Variants in DNAJC5B observed in about 807,000 individuals in gnomAD.
DNAJC5B encodes dnaJ homolog subfamily C member 5B.
Under a neutral mutation model 24.7 loss-of-function variants are expected in DNAJC5B, and 23 were observed. The ratio of observed to expected loss-of-function variants is 0.93; its 90% CI spans 0.67 to 1.32. DNAJC5B has a LOEUF of 1.32. Among genes scored for constraint, DNAJC5B ranks in the 40% most tolerant of loss-of-function variants. DNAJC5B has a pLI of 0.00. For missense variants in DNAJC5B, 238 were observed against 240.8 expected (o/e 0.99, Z 0.08); for synonymous variants, 101 against 90.1 (o/e 1.12, Z -0.68).
intron 2 of DNAJC5B, among the ~76,000 whole-genome samples, chr8:66,049,628 G>A (rs1003086738): frequency 3.3e-5 from 5 of 152,176 alleles, no homozygotes; most frequent in Non-Finnish European, 7.3e-5. Context: ...CCCTAAAGAT[G>A]CATTTCTCGG....
chr8:66,048,050 T>G (rs534759240), intron 2 of DNAJC5B, among the ~76,000 whole-genome samples: 2 of 152,276 alleles, frequency 1.3e-5, no homozygotes, highest in Non-Finnish European at 2.9e-5. Context: ...GTCCACACCA[T>G]GCCCATTTTA....
intron 3 of DNAJC5B, chr8:66,058,073 T>A (rs1464748601): frequency 6.6e-6 from 1 of 152,212 alleles, no homozygotes; most frequent in Non-Finnish European, 1.5e-5. Context: ...TCGATGGTGG[T>A]GTGTTCTCGC....
intron 5 of DNAJC5B, among the ~76,000 whole-genome samples, chr8:66,081,464 AT>A (rs1230862809): frequency 6.6e-6 from 1 of 152,172 alleles, no homozygotes; most frequent in Non-Finnish European, 1.5e-5. Context: ...ACAGTGGCCC[AT>A]TTTTGTCAGA....
chr8:66,080,836 A>C (rs983823199), intron 5 of DNAJC5B, among the ~76,000 whole-genome samples: 7 of 152,200 alleles, frequency 4.6e-5, no homozygotes, highest in African/African-American at 1.7e-4. Context: ...GAGAGTGAGC[A>C]CTGGATTCAG....
At position 66,043,321 on chromosome 8, in the gene DNAJC5B, G is replaced by A. The variant is rs187329751; in HGVS notation, c.-141-167G>A. 1.8e-3 allele frequency among the ~76,000 whole-genome samples: 271 copies of A among 152,276 alleles called. No individual in the cohort carries two copies. The Middle Eastern group carries it at 0.02, about 11-fold the overall frequency. On this transcript the variant is annotated intron_variant, in intron 1 of 5. Coordinates refer to ENST00000276570, the MANE Select transcript of DNAJC5B (RefSeq NM_033105.6). Reference sequence around the variant, plus strand: ...GCTTATTTCCTTAATGGAGAGTCCCGGTGGAGACGCTGGAGGCAGTTCCTC... The same window carrying A: ...GCTTATTTCCTTAATGGAGAGTCCCAGTGGAGACGCTGGAGGCAGTTCCTC...
At chr8:66,093,130 T>C (rs1303837395) in intron 5 of DNAJC5B, among the ~76,000 whole-genome samples, 1 of 152,310 alleles carries the variant, frequency 6.6e-6, no homozygotes, top group Admixed American at 6.5e-5. Flanking sequence ...ATAATTTACT[T>C]ATCCATTCTA....
chr8:66,051,564 C>A lies in DNAJC5B; in HGVS notation c.17C>A (p.Pro6His), dbSNP rs1806844467. 6.2e-7 allele frequency: 1 copy of A among 1,613,832 alleles called. No homozygotes were observed. Among genetic ancestry groups the A allele is most frequent in the Non-Finnish European group, 8.5e-7 (1 of 1,179,898 alleles). ...CCTTAGAAAATGGCATGTAACATAC[C>A]TAACCAAAGACAGCGGACTCTGTCA... MACNI[P>H]NQRQRTLSTT... Residue 6 changes from proline to histidine, a missense_variant, in exon 3 of 6, where the codon CCT becomes CAT. Coordinates refer to ENST00000276570, the MANE Select transcript of DNAJC5B (RefSeq NM_033105.6).
At chr8:66,053,512 C>G (rs1336649279) in intron 3 of DNAJC5B, among the ~76,000 whole-genome samples, 1 of 152,120 alleles carries the variant, frequency 6.6e-6, no homozygotes, top group Non-Finnish European at 1.5e-5. Flanking sequence ...TAACATTTAT[C>G]CATAATCCTA....
intron 2 of DNAJC5B, among the ~76,000 whole-genome samples, chr8:66,049,309 A>G (rs772039598): frequency 4.6e-5 from 7 of 152,074 alleles, no homozygotes; most frequent in African/African-American, 7.2e-5. Flanking sequence ...AAAGTGTACA[A>G]TGACCTAGGA....
intron 1 of DNAJC5B, among the ~76,000 whole-genome samples, chr8:66,024,425 GT>G (rs1180591785): frequency 9.0e-4 from 43 of 47,618 alleles, no homozygotes; most frequent in African/African-American, 2.2e-3. Flanking sequence ...TTTTTTTAAT[GT>G]TTTTTTTTTA....
chr8:66,050,458 C>A (rs1806821215), intron 2 of DNAJC5B, among the ~76,000 whole-genome samples: 1 of 152,204 alleles, frequency 6.6e-6, no homozygotes, highest in African/African-American at 2.4e-5. Context: ...CTCTTTCACC[C>A]TCTCTTAATT....
chr8:66,084,078 G>A (rs901686533), intron 5 of DNAJC5B, among the ~76,000 whole-genome samples: 5 of 152,116 alleles, frequency 3.3e-5, no homozygotes, highest in African/African-American at 1.2e-4. Flanking sequence ...TCCTTATAAG[G>A]AACTATGCCT....
intron 3 of DNAJC5B, 30 bp from the exon 4 acceptor site, chr8:66,076,630 A>C: frequency 6.2e-7 from 1 of 1,610,538 alleles, no homozygotes; most frequent in Non-Finnish European, 8.5e-7. Flanking sequence ...CAAATAACAC[A>C]CTCTCCTTGT....
At chr8:66,083,883 A>G (rs996225065) in intron 5 of DNAJC5B, among the ~76,000 whole-genome samples, 7 of 152,180 alleles carry the variant, frequency 4.6e-5, no homozygotes, top group Non-Finnish European at 8.8e-5. Flanking sequence ...TGATGGAAGG[A>G]AAGTCAAAGT....
intron 3 of DNAJC5B, among the ~76,000 whole-genome samples, chr8:66,075,727 A>G (rs1213562559): frequency 6.6e-6 from 1 of 152,220 alleles, no homozygotes; most frequent in Admixed American, 6.5e-5. Flanking sequence ...GGTAATGTAA[A>G]GCATCCTGAT....
At chr8:66,071,188 C>G (rs990243840) in intron 3 of DNAJC5B, among the ~76,000 whole-genome samples, 1 of 152,086 alleles carries the variant, frequency 6.6e-6, no homozygotes. Flanking sequence ...CAACAAAAGC[C>G]AAAATTAACA....
At position 66,051,575 on chromosome 8, in the gene DNAJC5B, C is replaced by T; in HGVS notation, c.28C>T (p.Gln10Ter). The T allele has an allele frequency of 6.2e-7, 1 of 1,613,974 alleles. No homozygotes were observed. Among genetic ancestry groups the T allele is most frequent in the Non-Finnish European group, 8.5e-7 (1 of 1,179,966 alleles). The change falls in exon 3 of 6, where the codon CAG becomes TAG. Residue 10 changes from glutamine (Q) to a stop codon, truncating the protein, a stop_gained. Coordinates refer to ENST00000276570, the MANE Select transcript of DNAJC5B (RefSeq NM_033105.6). LOFTEE classifies it high-confidence loss of function. ...GGCATGTAACATACCTAACCAAAGA[C>T]AGCGGACTCTGTCAACAACAGGAGA... MACNIPNQR[Q>*]RTLSTTGEAL...
intron 1 of DNAJC5B, among the ~76,000 whole-genome samples, chr8:66,026,888 C>T (rs1806255850): frequency 6.6e-6 from 1 of 152,226 alleles, no homozygotes. Flanking sequence ...CCTCCGGAGG[C>T]ATGCTTCATG....
chr8:66,029,369 T>A (rs1294957837), intron 1 of DNAJC5B, among the ~76,000 whole-genome samples: 1 of 152,022 alleles, frequency 6.6e-6, no homozygotes, highest in Non-Finnish European at 1.5e-5. Flanking sequence ...TGGGTTTGAG[T>A]GGACAGGATG....
Sources: gnomAD v4.1 joint callset for allele counts (sites outside exome capture counted in the v4.1 genomes callset) on GRCh38, gnomAD v4.1.1 for gene constraint, MANE v1.5 for transcripts, NCBI Gene and HGNC (gene_info 2026-07-23, HGNC 2026-07-21) for gene names.